Variants in ACBD6 observed in about 807,000 individuals in gnomAD.
ACBD6 encodes the protein acyl-CoA-binding domain-containing protein 6.
ACBD6 carries 28 observed loss-of-function variants against 37.2 expected under a neutral mutation model. The ratio of observed to expected loss-of-function variants is 0.75; its 90% CI spans 0.56 to 1.03. ACBD6 has a LOEUF of 1.03. Ranked by LOEUF, ACBD6 falls within the 50% of genes least tolerant of loss-of-function variation. ACBD6 has a pLI of 0.00. For synonymous variants in ACBD6, 113 were observed against 126.8 expected, an observed-to-expected ratio of 0.89 and a Z score of 0.73; for missense variants, 340 against 337.4, an observed-to-expected ratio of 1.01 and a Z score of -0.06.
rs77013285 is a variant in ACBD6, at chr1:180,501,367, T to G, written c.222+678A>C. Among the ~76,000 whole-genome samples the G allele has an allele frequency of 6.7e-3, 1,017 of 152,064 alleles. 17 individuals are homozygous for G. Among genetic ancestry groups the G allele is most frequent in the African/African-American group, 0.023 (971 of 41,508 alleles). ...TTATTATTATTATTATTATTTGAGG[T>G]GGAGTTTCTTCGCTCTTGTTGCCCA... On this transcript the variant is annotated intron_variant, in intron 1 of 7. Coordinates refer to ENST00000367595, the MANE Select transcript of ACBD6 (RefSeq NM_032360.4).
intron 3 of ACBD6, among the ~76,000 whole-genome samples, chr1:180,469,538 A>G (rs1650477345): frequency 6.6e-6 from 1 of 152,204 alleles, no homozygotes; most frequent in Non-Finnish European, 1.5e-5. Flanking sequence ...GGTTAATAAA[A>G]TCTAATTCAT....
At chr1:180,467,620 C>T (rs1268771587) in intron 3 of ACBD6, among the ~76,000 whole-genome samples, 1 of 152,010 alleles carries the variant, frequency 6.6e-6, no homozygotes, top group Non-Finnish European at 1.5e-5. Flanking sequence ...TACTGCACCG[C>T]AGCTGGGTGA....
intron 3 of ACBD6, among the ~76,000 whole-genome samples, chr1:180,481,179 A>G (rs1222548973): frequency 1.1e-4 from 17 of 152,086 alleles, no homozygotes. Flanking sequence ...GATTCTCTCT[A>G]TATAAATCAA....
intron 7 of ACBD6, among the ~76,000 whole-genome samples, chr1:180,290,465 C>T (rs1003699293): frequency 2.0e-5 from 3 of 152,242 alleles, no homozygotes; most frequent in African/African-American, 7.2e-5. Flanking sequence ...GCATACACCA[C>T]TGCACCCGGC....
chr1:180,464,291 A>C (rs1166470003), intron 3 of ACBD6, among the ~76,000 whole-genome samples: 2 of 152,210 alleles, frequency 1.3e-5, no homozygotes, highest in African/African-American at 4.8e-5. Flanking sequence ...AGAAAACCCC[A>C]TAGTCTCGGC....
At chr1:180,323,574 G>T (rs1430987621) in intron 6 of ACBD6, among the ~76,000 whole-genome samples, 6 of 151,664 alleles carry the variant, frequency 4.0e-5, no homozygotes, top group African/African-American at 1.5e-4. Flanking sequence ...TATGTATCTG[G>T]GTGCTTCAGT....
intron 6 of ACBD6, among the ~76,000 whole-genome samples, chr1:180,317,833 T>C (rs1207965446): frequency 6.6e-6 from 1 of 151,700 alleles, no homozygotes; most frequent in Non-Finnish European, 1.5e-5. Context: ...TGCTCATCTC[T>C]CTCCCAATAC....
chr1:180,472,968 T>A (rs1650625501), intron 3 of ACBD6, among the ~76,000 whole-genome samples: 1 of 152,062 alleles, frequency 6.6e-6, no homozygotes, highest in South Asian at 2.1e-4. Context: ...AGGAATCTAG[T>A]AGAATACTAC....
intron 1 of ACBD6, among the ~76,000 whole-genome samples, chr1:180,500,021 G>A (rs2102106500): frequency 6.6e-6 from 1 of 152,068 alleles, no homozygotes. Context: ...GCGTAAGCAG[G>A]AGGATCGCTT....
At chr1:180,496,331 C>A (rs1651737129) in intron 1 of ACBD6, among the ~76,000 whole-genome samples, 2 of 152,118 alleles carry the variant, frequency 1.3e-5, no homozygotes, top group African/African-American at 2.4e-5. Flanking sequence ...TGGTACTTTT[C>A]ACTTTTTCTA....
At position 180,379,777 on chromosome 1, in the gene ACBD6, C is replaced by T. The variant is rs139570147; in HGVS notation, c.663+17739G>A. 5.5e-3 allele frequency among the ~76,000 whole-genome samples: 833 copies of T among 152,028 alleles called. 6 individuals are homozygous for T. Among genetic ancestry groups the T allele is most frequent in the African/African-American group, 0.019 (788 of 41,460 alleles). Reference sequence around the variant, plus strand: ...TGACATATGGGCCACCATAAAATGACCAAATAGGCAAAGTATTGGAACCCC... The same window carrying T: ...TGACATATGGGCCACCATAAAATGATCAAATAGGCAAAGTATTGGAACCCC... On this transcript the variant is annotated intron_variant, in intron 6 of 7. Coordinates refer to ENST00000367595, the MANE Select transcript of ACBD6 (RefSeq NM_032360.4).
chr1:180,446,058 A>G (rs1445889751), intron 3 of ACBD6, among the ~76,000 whole-genome samples: 2 of 152,114 alleles, frequency 1.3e-5, no homozygotes, highest in Admixed American at 1.3e-4. Context: ...GCTGGAGTAC[A>G]GTGGGTGATC....
At chr1:180,271,175 C>T (rs983776294) in exon 14 of ACBD6, 3 of 643,352 alleles carry the variant, frequency 4.7e-6, no homozygotes, top group African/African-American at 3.6e-5. Flanking sequence ...GCTGTCCTCA[C>T]TTTTCAGTGG....
At chr1:180,494,785 G>A (rs1651662367) in intron 2 of ACBD6, among the ~76,000 whole-genome samples, 1 of 152,120 alleles carries the variant, frequency 6.6e-6, no homozygotes, top group Non-Finnish European at 1.5e-5. Flanking sequence ...CCAGTTGTAT[G>A]CAATTTCTCT....
intron 6 of ACBD6, among the ~76,000 whole-genome samples, chr1:180,395,225 G>A (rs1269477054): frequency 6.6e-6 from 1 of 152,132 alleles, no homozygotes; most frequent in East Asian, 1.9e-4. Flanking sequence ...GGGCGGGGAA[G>A]GGTGGACTGT....
intron 4 of ACBD6, among the ~76,000 whole-genome samples, chr1:180,417,825 A>C (rs1329196717): frequency 6.6e-6 from 1 of 152,200 alleles, no homozygotes; most frequent in African/African-American, 2.4e-5. Context: ...ACTGCACACT[A>C]TCTTCCAAAA....
At chr1:180,386,819 A>C (rs1217698588) in intron 6 of ACBD6, among the ~76,000 whole-genome samples, 1 of 116,454 alleles carries the variant, frequency 8.6e-6, no homozygotes, top group Non-Finnish European at 2.1e-5. Context: ...CACTTGTTTC[A>C]AGAATGTTTG....
chr1:180,339,946 G>C (rs548012293), intron 6 of ACBD6, among the ~76,000 whole-genome samples: 1 of 152,146 alleles, frequency 6.6e-6, no homozygotes, highest in Admixed American at 6.6e-5. Context: ...GAGACAACTA[G>C]GGGAGAAAAA....
chr1:180,369,626 TAAAAA>T (rs530005500), intron 6 of ACBD6, among the ~76,000 whole-genome samples: 1 of 151,890 alleles, frequency 6.6e-6, no homozygotes, highest in Non-Finnish European at 1.5e-5. Context: ...AATGTTAAAA[TAAAAA>T]AAATTTCTAA....
Sources: gnomAD v4.1 joint callset for allele counts (sites outside exome capture counted in the v4.1 genomes callset) on GRCh38, gnomAD v4.1.1 for gene constraint, MANE v1.5 for transcripts, NCBI Gene and HGNC (gene_info 2026-07-23, HGNC 2026-07-21) for gene names.